Variants in GASK1A observed in about 807,000 individuals in gnomAD.
GASK1A encodes Golgi-associated kinase 1A.
GASK1A carries 40 observed loss-of-function variants against 41.2 expected under a neutral mutation model. The observed-to-expected ratio is 0.97, with a 90% CI of 0.75 to 1.27. GASK1A has a LOEUF of 1.27. Among genes scored for constraint, GASK1A ranks in the 50% most tolerant of loss-of-function variants. The pLI is 0.00. For missense variants in GASK1A, 678 were observed against 745.1 expected, an observed-to-expected ratio of 0.91 and a Z score of 1.05; for synonymous variants, 316 against 307.1, an observed-to-expected ratio of 1.03 and a Z score of -0.30.
At chr3:43,011,772 T>C (rs1242004593) in intron 1 of GASK1A, among the ~76,000 whole-genome samples, 1 of 151,030 alleles carries the variant, frequency 6.6e-6, no homozygotes, top group Admixed American at 6.6e-5. Context: ...GAAGGGGCTG[T>C]GTGAAGTCAC....
intron 2 of GASK1A, among the ~76,000 whole-genome samples, chr3:43,045,660 G>A (rs1191326392): frequency 6.6e-6 from 1 of 152,154 alleles, no homozygotes; most frequent in Non-Finnish European, 1.5e-5. Context: ...AAAGCATGGA[G>A]TAGGCTCATA....
intron 2 of GASK1A, among the ~76,000 whole-genome samples, chr3:43,045,302 C>T (rs904819375): frequency 4.6e-5 from 7 of 151,990 alleles, no homozygotes; most frequent in Non-Finnish European, 7.4e-5. Context: ...GGGCAGCCTT[C>T]CACCCTTTGG....
intron 1 of GASK1A, among the ~76,000 whole-genome samples, chr3:43,019,864 A>AT (rs1460082233): frequency 6.6e-6 from 1 of 151,730 alleles, no homozygotes; most frequent in Non-Finnish European, 1.5e-5. Flanking sequence ...GTGCTTTGTG[A>AT]TTTTGTCTGT....
In GASK1A at chr3:42,984,601, T is replaced by A. The variant is rs953385921; in HGVS notation, c.3+4956T>A. On this transcript the variant is annotated intron_variant, in intron 1 of 4. Transcript: ENST00000430121. This position sits in a 1 kb window ranked among gnomAD's most constrained non-coding sequence, Gnocchi z 4.2. ...GTGAAGGGTGAGGAAACAGCAGGAG[T>A]ATAACTGAAATGCAGATTCAGTCAC... Among the ~76,000 whole-genome samples the A allele has an allele frequency of 1.3e-5, 2 of 151,924 alleles. No homozygotes were observed. The highest frequency in any genetic ancestry group is 4.8e-5 in the African/African-American group (2 of 41,346).
At chr3:43,030,668 A>G (rs1490804301) in intron 1 of GASK1A, among the ~76,000 whole-genome samples, 2 of 152,154 alleles carry the variant, frequency 1.3e-5, no homozygotes, top group Non-Finnish European at 2.9e-5. Context: ...CTATTTCATG[A>G]GCAGGACAAG....
At chr3:43,019,433 C>T (rs969000978) in intron 1 of GASK1A, among the ~76,000 whole-genome samples, 23 of 152,186 alleles carry the variant, frequency 1.5e-4, no homozygotes, top group African/African-American at 5.1e-4. Flanking sequence ...TGCCTGGGGT[C>T]TGACTTTGGG....
intron 1 of GASK1A, among the ~76,000 whole-genome samples, chr3:43,023,790 C>T (rs1182349092): frequency 6.6e-6 from 1 of 152,154 alleles, no homozygotes; most frequent in Non-Finnish European, 1.5e-5. Context: ...ACCTACTGAG[C>T]ACTGTTAGTT....
At chr3:43,055,091 G>A (rs1405029087) in intron 3 of GASK1A, among the ~76,000 whole-genome samples, 1 of 152,232 alleles carries the variant, frequency 6.6e-6, no homozygotes, top group African/African-American at 2.4e-5. Flanking sequence ...CTATGGCTTA[G>A]CCCCATGGGT....
chr3:43,015,501 GCAGTGTGAAGCCATAGGAAGGTA>G, intron 1 of GASK1A, among the ~76,000 whole-genome samples: 1 of 151,570 alleles, frequency 6.6e-6, no homozygotes, highest in East Asian at 1.9e-4. Context: ...ACAGGAAGGG[GCAGTGTGAAGCCATAGGAAGGTA>G]CAGTGTGAAG....
At chr3:43,011,190 T>C (rs2089461751) in intron 1 of GASK1A, among the ~76,000 whole-genome samples, 1 of 152,134 alleles carries the variant, frequency 6.6e-6, no homozygotes, top group African/African-American at 2.4e-5. Context: ...AAGATCATCC[T>C]GGCCAACATG....
At chr3:42,987,882 C>T (rs2089320456) in intron 1 of GASK1A, among the ~76,000 whole-genome samples, 1 of 150,516 alleles carries the variant, frequency 6.6e-6, no homozygotes, top group Non-Finnish European at 1.5e-5. Flanking sequence ...GCCTGTAGTC[C>T]CAGCTGCTTG....
rs1317518823 is a variant in GASK1A, at chr3:43,041,009, A to T, written c.1290+7456A>T. Among the ~76,000 whole-genome samples, 15 of 150,906 alleles carry T rather than the reference A, an allele frequency of 9.9e-5. No homozygotes were observed. In the East Asian group the frequency reaches 1.9e-3, roughly 20 times the overall value. ...TTGTTCTTGCGATAGTTTACTGAGAATGATGATTTCCAATTTCATCCATGT... is the reference window on the plus strand; with the variant it reads ...TTGTTCTTGCGATAGTTTACTGAGATTGATGATTTCCAATTTCATCCATGT... On this transcript the variant is annotated intron_variant, in intron 2 of 4. Coordinates refer to ENST00000430121, the MANE Select transcript of GASK1A (RefSeq NM_001129908.3).
intron 2 of GASK1A, among the ~76,000 whole-genome samples, chr3:43,049,572 G>A (rs1018775567): frequency 2.7e-5 from 4 of 150,798 alleles, no homozygotes; most frequent in Admixed American, 2.0e-4. Context: ...AATCTTCTGG[G>A]CTTTGTGCAT....
intron 1 of GASK1A, among the ~76,000 whole-genome samples, chr3:43,015,989 C>T (rs907632695): frequency 3.4e-5 from 5 of 147,820 alleles, no homozygotes; most frequent in African/African-American, 7.5e-5. Context: ...TGTGAAGCCA[C>T]AGGATGGGGT....
At chr3:42,982,760 C>A (rs143498249) in intron 1 of GASK1A, among the ~76,000 whole-genome samples, 2 of 152,340 alleles carry the variant, frequency 1.3e-5, no homozygotes, top group East Asian at 3.9e-4. Flanking sequence ...CAAGCTCTTA[C>A]TGTAACTACC....
intron 2 of GASK1A, among the ~76,000 whole-genome samples, chr3:43,034,480 CAT>C (rs1398414053): frequency 6.6e-6 from 1 of 152,174 alleles, no homozygotes; most frequent in Non-Finnish European, 1.5e-5. Context: ...CATAGATACA[CAT>C]GTGTGGAAAC....
At chr3:43,055,064 C>T (rs971463596) in intron 3 of GASK1A, among the ~76,000 whole-genome samples, 7 of 152,178 alleles carry the variant, frequency 4.6e-5, no homozygotes, top group Admixed American at 2.0e-4. Flanking sequence ...TTTGGCCTTG[C>T]GATTTAGCAG....
rs891107456 is a variant in GASK1A at position 43,033,343 on chromosome 3, C to T, written c.1080C>T (p.Tyr360=). Residue 360 remains tyrosine, a synonymous_variant, in exon 2 of 5, where the codon TAC becomes TAT. Coordinates refer to ENST00000430121, the MANE Select transcript of GASK1A (RefSeq NM_001129908.3). ...RFHSPLLPYR[Y]TDGGARPVIW... Reference sequence around the variant, plus strand: ...ATAGCCCCCTCCTGCCCTACCGATACACAGACGGTGGAGCAAGGCCTGTCA... The same window carrying T: ...ATAGCCCCCTCCTGCCCTACCGATATACAGACGGTGGAGCAAGGCCTGTCA... The T allele has an allele frequency of 1.9e-6, 3 of 1,551,244 alleles. No individual in the cohort carries two copies. The highest frequency in any genetic ancestry group is 2.7e-5 in the African/African-American group (2 of 73,070).
At chr3:43,041,663 C>A (rs1189044856) in intron 2 of GASK1A, among the ~76,000 whole-genome samples, 2 of 152,204 alleles carry the variant, frequency 1.3e-5, no homozygotes, top group African/African-American at 4.8e-5. Context: ...AACAGTTGCT[C>A]AGTTTATCCT....
Sources: allele counts gnomAD v4.1 joint callset (sites outside exome capture counted in the v4.1 genomes callset), GRCh38; gene constraint gnomAD v4.1.1; non-coding constraint Gnocchi (gnomAD v3.1); transcripts MANE v1.5; gene names NCBI Gene and HGNC (gene_info 2026-07-23, HGNC 2026-07-21).